KDM1A: variants seen among roughly 807,000 people sequenced by gnomAD.
KDM1A encodes the protein lysine demethylase 1A.
KDM1A carries 49 observed loss-of-function variants against 109.4 expected under a neutral mutation model. The ratio of observed to expected loss-of-function variants is 0.45; its 90% CI spans 0.36 to 0.57. KDM1A has a LOEUF of 0.57. Ranked by LOEUF, KDM1A falls within the 20% of genes least tolerant of loss-of-function variation. KDM1A has a pLI of 0.00. For missense variants in KDM1A, 668 were observed against 1,116.6 expected (o/e 0.60, Z 5.73); for synonymous variants, 380 against 415.4 (o/e 0.91, Z 1.04).
Position 23,078,854 on chromosome 1 carries a change from T to C in KDM1A, c.1868-136T>C, listed in dbSNP as rs1446995793. The C allele has an allele frequency of 1.1e-5, 9 of 815,316 alleles. No individual in the cohort carries two copies. The Admixed American group carries it at 2.0e-4, about 18-fold the overall frequency. 50.5% of individuals were successfully genotyped at this position (815,316 alleles called of 1,614,324 possible). A position where few individuals can be genotyped will look rare whatever the true frequency, so the allele number is the denominator to read the frequency against. On this transcript the variant is annotated intron_variant, in intron 16 of 20. Coordinates refer to ENST00000400181, the MANE Select transcript of KDM1A (RefSeq NM_001009999.3). ...TTTCACCTCTACCTCAGTTTTCTTA[T>C]GTGAAACATGAAGGTAATGAAAATA...
intron 7 of KDM1A, among the ~76,000 whole-genome samples, 180 bp from the exon 8 acceptor site, chr1:23,057,304 C>T (rs548646226): frequency 1.3e-5 from 2 of 152,318 alleles, no homozygotes; most frequent in Admixed American, 6.5e-5. Context: ...GCTTCTCCTT[C>T]AAATAGTCTT....
At chr1:23,077,150 T>C (rs1348743127) in intron 15 of KDM1A, 78 bp from the exon 16 acceptor site, 18 of 1,356,334 alleles carry the variant, frequency 1.3e-5, no homozygotes, top group South Asian at 1.5e-5. Flanking sequence ...TGTGTTTTCA[T>C]TGTTGTTGTA....
chr1:23,030,045 T>C (rs985026543), intron 1 of KDM1A, among the ~76,000 whole-genome samples: 2 of 152,242 alleles, frequency 1.3e-5, no homozygotes, highest in Non-Finnish European at 2.9e-5. Context: ...ATTTTTTTGC[T>C]ATTTTCCCCT....
At chr1:23,057,710 T>C (rs1394291730) in intron 8 of KDM1A, 145 bp downstream of exon 8, 5 of 517,802 alleles carry the variant, frequency 9.7e-6, no homozygotes, top group Admixed American at 3.5e-5. Context: ...GTGGAAAATG[T>C]AAATTGTACA....
chr1:23,057,276 A>G (rs1002276541), intron 7 of KDM1A, among the ~76,000 whole-genome samples: 3 of 152,212 alleles, frequency 2.0e-5, no homozygotes, highest in Non-Finnish European at 4.4e-5. Flanking sequence ...ACATTTAATT[A>G]TATGTCATTT....
chr1:23,057,350 ACT>A lies in KDM1A; in HGVS notation c.991-133_991-132del. The A allele has an allele frequency of 4.5e-6, 3 of 666,082 alleles. No individual in the cohort carries two copies. The South Asian group carries it at 5.5e-5, about 12-fold the overall frequency. The allele number at this position is 666,082 out of a possible 1,614,324, so 41.3% of individuals were successfully genotyped here. On this transcript the variant is annotated intron_variant, in intron 7 of 20. Coordinates refer to ENST00000400181, the MANE Select transcript of KDM1A (RefSeq NM_001009999.3). The stretch of plus-strand genomic sequence containing the variant: ...TTCATTTGTTCTTTGTGCCCATAGT[ACT>A]GTTGATTGCATTCCATGTAAACTCT...
intron 1 of KDM1A, among the ~76,000 whole-genome samples, chr1:23,022,118 A>G (rs1330990618): frequency 6.6e-6 from 1 of 152,184 alleles, no homozygotes; most frequent in African/African-American, 2.4e-5. Flanking sequence ...ATTTTACATA[A>G]TGCTGCTGTG....
At chr1:23,044,223 C>T (rs1447755288) in intron 2 of KDM1A, 2 of 507,166 alleles carry the variant, frequency 3.9e-6, no homozygotes, top group Non-Finnish European at 7.2e-6. Context: ...CAAGAATCAA[C>T]ATGTAAAGTT....
At chr1:23,071,930 A>G (rs1040463636) in intron 13 of KDM1A, among the ~76,000 whole-genome samples, 194 bp from the exon 14 acceptor site, 1 of 151,778 alleles carries the variant, frequency 6.6e-6, no homozygotes, top group African/African-American at 2.4e-5. Context: ...CTAATATTCC[A>G]GGCCCCCAAC....
chr1:23,019,791 T>C lies in KDM1A; in HGVS notation c.195T>C (p.Pro65=). Residue 65 remains proline (P), a synonymous_variant, in exon 1 of 21, where the codon CCT becomes CCC. Coordinates refer to ENST00000400181, the MANE Select transcript of KDM1A (RefSeq NM_001009999.3). Reference sequence around the variant, plus strand: ...AGCGCACACCCCGCAAGAAAGAGCCTCCGCGGGCCTCGCCCCCCGGGGGCC... The same window carrying C: ...AGCGCACACCCCGCAAGAAAGAGCCCCCGCGGGCCTCGCCCCCCGGGGGCC... ...VGERTPRKKE[P]PRASPPGGLA... 1 of 1,381,318 alleles carries C rather than the reference T, an allele frequency of 7.2e-7. No individual in the cohort carries two copies. Among genetic ancestry groups the C allele is most frequent in the Non-Finnish European group, 9.4e-7 (1 of 1,066,452 alleles). The allele number at this position is 1,381,318 out of a possible 1,614,324, so 85.6% of individuals were successfully genotyped here.
chr1:23,068,985 A>G (rs182355855), intron 11 of KDM1A, 76 bp from the exon 12 acceptor site: 12 of 999,016 alleles, frequency 1.2e-5, no homozygotes, highest in Admixed American at 2.4e-5. Context: ...TGATGCCCTT[A>G]AATGTTTTTG....
Position 23,079,522 on chromosome 1 carries a change from C to CACTG in KDM1A, c.2056-30_2056-27dup. The stretch of plus-strand genomic sequence containing the variant: ...GAAGCCAGTATTATCTGGCCCCTGT[C>CACTG]ACTGGCTCATGTGCTTCTTTCTTAT... On this transcript the variant is annotated intron_variant, in intron 17 of 20. Coordinates refer to ENST00000400181, the MANE Select transcript of KDM1A (RefSeq NM_001009999.3). The surrounding 1 kb of genome is among the most constrained non-coding windows in gnomAD (Gnocchi z 5.6). 6.5e-7 allele frequency: 1 copy of CACTG among 1,541,078 alleles called. No homozygotes were observed. The highest frequency in any genetic ancestry group is 8.9e-7 in the Non-Finnish European group (1 of 1,118,358).
Position 23,055,065 on chromosome 1 carries a change from G to T in KDM1A, c.791-4G>T, listed in dbSNP as rs372226085. The T allele has an allele frequency of 6.3e-7, 1 of 1,575,626 alleles. No homozygotes were observed. ...ACCGTGTTTTTAATCCACTTATTCT[G>T]TAGGTGATACTGTGCTTGTCCACCG... On this transcript the variant is annotated splice_region_variant and splice_polypyrimidine_tract_variant and intron_variant, in intron 5 of 20. Transcript: ENST00000400181.
intron 9 of KDM1A, among the ~76,000 whole-genome samples, chr1:23,059,846 A>G (rs967535101): frequency 2.6e-5 from 4 of 152,184 alleles, no homozygotes; most frequent in Non-Finnish European, 5.9e-5. Flanking sequence ...GAGAGCCCAC[A>G]CTTCTCAGGA....
chr1:23,061,580 G>C (rs1358902551), intron 9 of KDM1A, among the ~76,000 whole-genome samples: 2 of 152,066 alleles, frequency 1.3e-5, no homozygotes, highest in African/African-American at 4.8e-5. Flanking sequence ...CAAACATAAG[G>C]CATGCTAATA....
At chr1:23,076,448 C>A (rs1643468417) in intron 15 of KDM1A, among the ~76,000 whole-genome samples, 1 of 151,914 alleles carries the variant, frequency 6.6e-6, no homozygotes, top group African/African-American at 2.4e-5. Context: ...AACTTCAAAC[C>A]TGTAAATTTA....
rs1368111216 is a variant in KDM1A at position 23,079,881 on chromosome 1, AG to A, written c.2170+215del. The stretch of plus-strand genomic sequence containing the variant: ...ATACAGTAAGCGGGGAAGCAGGCTT[AG>A]AACAGGGCAGTAGGTGGCCTGATGG... On this transcript the variant is annotated intron_variant, in intron 18 of 20. Transcript: ENST00000400181. This position sits in a 1 kb window ranked among gnomAD's most constrained non-coding sequence, Gnocchi z 5.6. Among the ~76,000 whole-genome samples the A allele has an allele frequency of 6.6e-6, 1 of 152,182 alleles. No homozygotes were observed. Among genetic ancestry groups the A allele is most frequent in the Non-Finnish European group, 1.5e-5 (1 of 68,018 alleles).
chr1:23,057,172 A>G (rs549909857), intron 7 of KDM1A, among the ~76,000 whole-genome samples: 21 of 152,318 alleles, frequency 1.4e-4, no homozygotes, highest in Middle Eastern at 3.4e-3. Flanking sequence ...ATTATAGACA[A>G]CTGGATAGAG....
At chr1:23,082,181 G>T in intron 19 of KDM1A, 39 bp from the exon 20 acceptor site, 1 of 1,604,754 alleles carries the variant, frequency 6.2e-7, no homozygotes, top group Non-Finnish European at 8.5e-7. Context: ...TTTGTGCTTG[G>T]TGTCTCGTAA....
Sources: gnomAD v4.1 joint callset for allele counts (sites outside exome capture counted in the v4.1 genomes callset) on GRCh38, gnomAD v4.1.1 for gene constraint, Gnocchi (gnomAD v3.1) non-coding constraint, MANE v1.5 for transcripts, NCBI Gene and HGNC (gene_info 2026-07-23, HGNC 2026-07-21) for gene names.